SHROOM3: variants seen among roughly 807,000 people sequenced by gnomAD.
The protein encoded by SHROOM3 is protein Shroom3.
SHROOM3 carries 47 observed loss-of-function variants against 138.6 expected under a neutral mutation model. That is an observed-to-expected ratio of 0.34 (90% CI 0.27 to 0.43). SHROOM3 has a LOEUF of 0.43. SHROOM3 is among the 20% of genes least tolerant of loss of function. SHROOM3 has a pLI of 1.00. For missense variants in SHROOM3, 2,491 were observed against 2,596.5 expected, an observed-to-expected ratio of 0.96 and a Z score of 0.88; for synonymous variants, 1,062 against 1,063.3, an observed-to-expected ratio of 1.00 and a Z score of 0.02.
chr4:76,575,584 A>G (rs1229935390), intron 2 of SHROOM3: 1 of 152,226 alleles, frequency 6.6e-6, no homozygotes, highest in Non-Finnish European at 1.5e-5. Context: ...GTGTTTGCCA[A>G]TAAAAGTAAT....
chr4:76,734,456 T>C (rs879509176), intron 4 of SHROOM3, among the ~76,000 whole-genome samples: 1 of 152,144 alleles, frequency 6.6e-6, no homozygotes, highest in Admixed American at 6.5e-5. Flanking sequence ...GAGCACACTT[T>C]AGGAAATGTT....
At chr4:76,616,602 GA>G (rs1577921534) in intron 2 of SHROOM3, among the ~76,000 whole-genome samples, 1 of 152,134 alleles carries the variant, frequency 6.6e-6, no homozygotes, top group African/African-American at 2.4e-5. Flanking sequence ...ATCTGATTCC[GA>G]TTATCTGAGG....
chr4:76,709,769 A>G (rs1310749596), intron 2 of SHROOM3: 2 of 281,636 alleles, frequency 7.1e-6, no homozygotes, highest in African/African-American at 4.5e-5. Context: ...TTGGTTTCAA[A>G]CCACCTCGTT....
At chr4:76,466,161 A>AT (rs1731246092) in intron 1 of SHROOM3, among the ~76,000 whole-genome samples, 1 of 152,030 alleles carries the variant, frequency 6.6e-6, no homozygotes, top group Non-Finnish European at 1.5e-5. Flanking sequence ...CTTGAAAAAT[A>AT]TTTTTTTCAT....
chr4:76,638,691 T>C (rs989724169), intron 2 of SHROOM3: 4 of 152,232 alleles, frequency 2.6e-5, no homozygotes, highest in African/African-American at 7.2e-5. Context: ...CATTCCTTTT[T>C]ATTTTTTCCT....
intron 2 of SHROOM3, among the ~76,000 whole-genome samples, chr4:76,608,661 CATAGCACAGCAT>C (rs1433942069): frequency 4.0e-5 from 1 of 24,828 alleles, no homozygotes; most frequent in African/African-American, 6.5e-5. Context: ...CATAGCATAG[CATAGCACAGCAT>C]AGCACAGCAC....
chr4:76,710,110 C>T (rs755472236), intron 2 of SHROOM3, 46 bp from the exon 3 acceptor site: 2 of 1,612,722 alleles, frequency 1.2e-6, no homozygotes, highest in Admixed American at 1.7e-5. Flanking sequence ...TGCTCCTGTC[C>T]ATGAACACCA....
At chr4:76,596,581 A>AGC (rs1734391932) in intron 2 of SHROOM3, among the ~76,000 whole-genome samples, 2 of 138,134 alleles carry the variant, frequency 1.4e-5, no homozygotes. Flanking sequence ...GGTACAGAGA[A>AGC]ACACACACAC....
In SHROOM3 at chr4:76,438,530, C is replaced by T. The variant is rs557885338; in HGVS notation, c.168+2310C>T. Among the ~76,000 whole-genome samples, 21 of 152,222 alleles carry T rather than the reference C, an allele frequency of 1.4e-4. No individual in the cohort carries two copies. The East Asian group carries it at 2.7e-3, about 20-fold the overall frequency. On this transcript the variant is annotated intron_variant, in intron 1 of 10. Coordinates refer to ENST00000296043, the MANE Select transcript of SHROOM3 (RefSeq NM_020859.4). ...TTGCATTCCAAGAGTCGTACTGTTCCGAAGCTCTTGAACATCTTCCCCCAT... is the reference window on the plus strand; with the variant it reads ...TTGCATTCCAAGAGTCGTACTGTTCTGAAGCTCTTGAACATCTTCCCCCAT...
chr4:76,569,273 A>G (rs1733789316), intron 2 of SHROOM3, among the ~76,000 whole-genome samples: 1 of 152,234 alleles, frequency 6.6e-6, no homozygotes, highest in Non-Finnish European at 1.5e-5. Context: ...GCAATGGGAA[A>G]AGGTGACTTG....
At chr4:76,777,991 G>A (rs1405838116) in intron 10 of SHROOM3, among the ~76,000 whole-genome samples, 1 of 152,098 alleles carries the variant, frequency 6.6e-6, no homozygotes, top group Non-Finnish European at 1.5e-5. Context: ...TGATCTCATT[G>A]CTATTATGGA....
chr4:76,692,678 G>A (rs756915584), intron 2 of SHROOM3, among the ~76,000 whole-genome samples: 1 of 152,168 alleles, frequency 6.6e-6, no homozygotes, highest in Non-Finnish European at 1.5e-5. Flanking sequence ...ACGACTCAGC[G>A]ATCAATGGGA....
At chr4:76,489,214 C>G (rs1265011666) in intron 1 of SHROOM3, among the ~76,000 whole-genome samples, 2 of 152,348 alleles carry the variant, frequency 1.3e-5, no homozygotes, top group South Asian at 2.1e-4. Flanking sequence ...AGGCACAGAT[C>G]TAGCTCATCT....
chr4:76,484,341 G>T (rs185831900), intron 1 of SHROOM3, among the ~76,000 whole-genome samples: 325 of 152,106 alleles, frequency 2.1e-3, no homozygotes, highest in Admixed American at 4.1e-3. Flanking sequence ...AGAGGCTGAG[G>T]GGGGAGGATT....
chr4:76,662,852 A>G (rs1353202024), intron 2 of SHROOM3, among the ~76,000 whole-genome samples: 1 of 151,948 alleles, frequency 6.6e-6, no homozygotes, highest in Non-Finnish European at 1.5e-5. Flanking sequence ...AGTGTGCTCC[A>G]GCCTGGGCAA....
intron 2 of SHROOM3, among the ~76,000 whole-genome samples, chr4:76,567,332 C>T (rs1468690659): frequency 6.6e-6 from 1 of 152,038 alleles, no homozygotes; most frequent in African/African-American, 2.4e-5. Context: ...GTCAGGAGTT[C>T]GAGACCAGCC....
At chr4:76,584,416 C>T (rs1734110278) in intron 2 of SHROOM3, among the ~76,000 whole-genome samples, 1 of 152,004 alleles carries the variant, frequency 6.6e-6, no homozygotes, top group African/African-American at 2.4e-5. Context: ...CCTGAGCCAA[C>T]ACAACCTGTT....
chr4:76,586,351 C>A, intron 2 of SHROOM3: 1 of 985,718 alleles, frequency 1.0e-6, no homozygotes, highest in Non-Finnish European at 1.2e-6. Context: ...CTCTAGGCCA[C>A]CTCCCCCAAG....
At chr4:76,534,210 T>C (rs911947248) in intron 1 of SHROOM3, among the ~76,000 whole-genome samples, 6 of 152,240 alleles carry the variant, frequency 3.9e-5, no homozygotes, top group African/African-American at 1.4e-4. Flanking sequence ...TTCCATATTT[T>C]CTATTTGTCT....
Sources: allele counts gnomAD v4.1 joint callset (sites outside exome capture counted in the v4.1 genomes callset), GRCh38; gene constraint gnomAD v4.1.1; transcripts MANE v1.5; gene names NCBI Gene and HGNC (gene_info 2026-07-23, HGNC 2026-07-21).